Variants in PLCH1 observed in about 807,000 individuals in gnomAD.
PLCH1 encodes phospholipase C eta 1.
Under a neutral mutation model 126.7 loss-of-function variants are expected in PLCH1, and 60 were observed. The ratio of observed to expected loss-of-function variants is 0.47; its 90% CI spans 0.38 to 0.59. The LOEUF is 0.59. Among genes scored for constraint, PLCH1 ranks in the 20% least tolerant of loss-of-function variants. The pLI is 0.00. For missense variants in PLCH1, 1,723 were observed against 2,040.0 expected, an observed-to-expected ratio of 0.84 and a Z score of 2.99; for synonymous variants, 719 against 734.9, an observed-to-expected ratio of 0.98 and a Z score of 0.35.
At chr3:155,475,856 T>C (rs940492525), downstream of PLCH1, among the ~76,000 whole-genome samples, 3 of 152,136 alleles carry the variant, frequency 2.0e-5, no homozygotes, top group African/African-American at 4.8e-5. Context: ...TGCAAACTGA[T>C]GGCTTCACTG....
At chr3:155,711,864 A>G (rs1200893479) in intron 1 of PLCH1, among the ~76,000 whole-genome samples, 1 of 152,224 alleles carries the variant, frequency 6.6e-6, no homozygotes, top group African/African-American at 2.4e-5. Flanking sequence ...TGCAAGGTCT[A>G]AGCTTCAAGA....
At chr3:155,636,303 GT>G (rs1738710358) in intron 2 of PLCH1, among the ~76,000 whole-genome samples, 1 of 152,118 alleles carries the variant, frequency 6.6e-6, no homozygotes. Context: ...TGTAGTCAAT[GT>G]TTTGTTGTTG....
intron 8 of PLCH1, among the ~76,000 whole-genome samples, chr3:155,560,552 T>C (rs141229762): frequency 1.2e-3 from 179 of 152,346 alleles, no homozygotes; most frequent in African/African-American, 3.9e-3. Context: ...CTAATGTTTC[T>C]GTATGCAGGT....
intron 21 of PLCH1, among the ~76,000 whole-genome samples, chr3:155,472,680 TA>T (rs1373959724): frequency 1.3e-4 from 20 of 151,414 alleles, no homozygotes; most frequent in African/African-American, 4.6e-4. Context: ...AAATCCTCAA[TA>T]AAATACTGGC....
intron 2 of PLCH1, among the ~76,000 whole-genome samples, chr3:155,601,803 A>C (rs1197311352): frequency 1.3e-5 from 2 of 152,138 alleles, no homozygotes; most frequent in Non-Finnish European, 2.9e-5. Context: ...GTGACAGTCT[A>C]ATCACACAAC....
chr3:155,543,701 T>C lies in PLCH1; in HGVS notation c.1362+6086A>G, dbSNP rs1468952848. ...TAACAGCGGATCTCTCGGCAGAAAC[T>C]CTACAAGCCAGAAGAGAGTGGGGGC... is the stretch of plus-strand genomic sequence containing the variant. On this transcript the variant is annotated intron_variant, in intron 10 of 22. Coordinates refer to ENST00000460012, the MANE Select transcript of PLCH1 (RefSeq NM_014996.4). Among the ~76,000 whole-genome samples the C allele has an allele frequency of 6.5e-4, 98 of 151,668 alleles. 3 individuals are homozygous for C. The highest frequency in any genetic ancestry group is 1.0e-3 in the South Asian group (5 of 4,790).
At chr3:155,460,313 G>A (rs989652103) in intron 21 of PLCH1, among the ~76,000 whole-genome samples, 23 of 152,126 alleles carry the variant, frequency 1.5e-4, no homozygotes, top group Non-Finnish European at 3.2e-4. Context: ...CAGACAAAAA[G>A]TCTAGGTATT....
At chr3:155,724,981 A>G (rs1266127476) in intron 1 of PLCH1, among the ~76,000 whole-genome samples, 1 of 151,912 alleles carries the variant, frequency 6.6e-6, no homozygotes, top group Non-Finnish European at 1.5e-5. Flanking sequence ...GTAGTTGTGA[A>G]TTTTCTCAGC....
intron 1 of PLCH1, among the ~76,000 whole-genome samples, chr3:155,741,684 C>CTTTTATTTTTTTTTTATTTTTTTTT: frequency 1.8e-4 from 19 of 102,856 alleles, no homozygotes; most frequent in Non-Finnish European, 2.6e-4. Context: ...TTTATATCCT[C>CTTTTATTTTTTTTTTATTTTTTTTT]TTTTTTTTTT....
At chr3:155,496,724 C>T (rs1429441109) in intron 15 of PLCH1, among the ~76,000 whole-genome samples, 1 of 151,978 alleles carries the variant, frequency 6.6e-6, no homozygotes, top group African/African-American at 2.4e-5. Flanking sequence ...ATAAAGGAGA[C>T]AAGAGTAACT....
Position 155,482,682 on chromosome 3 carries a change from A to T in PLCH1, c.3344T>A (p.Leu1115Ter), listed in dbSNP as rs1451070628. ...PEDFVEGKSI[L>*]SGSVLSHSNL... The stretch of plus-strand genomic sequence containing the variant: ...GCTATGAGAAAGGACGCTTCCTGAC[A>T]AGATGCTTTTCCCTTCCACAAAGTC... The change falls in exon 23 of 23, where the codon TTG becomes TAG. Residue 1115 changes from leucine (L) to a stop codon, truncating the protein, a stop_gained. Coordinates refer to ENST00000460012, the MANE Select transcript of PLCH1 (RefSeq NM_014996.4). LOFTEE classifies it low-confidence loss of function (END_TRUNC). The T allele has an allele frequency of 6.2e-7, 1 of 1,614,084 alleles. No individual in the cohort carries two copies. Among genetic ancestry groups the T allele is most frequent in the Non-Finnish European group, 8.5e-7 (1 of 1,180,040 alleles).
Position 155,494,391 on chromosome 3 carries a change from A to G in PLCH1, c.2021T>C (p.Ile674Thr), listed in dbSNP as rs1244794375. 2 of 1,614,156 alleles carry G rather than the reference A, an allele frequency of 1.2e-6. No homozygotes were observed. Among genetic ancestry groups the G allele is most frequent in the Non-Finnish European group, 1.7e-6 (2 of 1,180,014 alleles). The change falls in exon 16 of 23, where the codon ATT becomes ACT. Residue 674 changes from isoleucine (I) to threonine (T), a missense_variant. Ile to Thr is a moderately conservative substitution (Grantham distance 89). This residue lies in a region of PLCH1 where 776 missense variants were observed against 1,062.9 expected (regional missense o/e 0.73). Transcript: ENST00000460012. ...GAGAGGGTTGAAGTTACTGGAATCA[A>G]TGCGGTAGGCAGAGGGGTAAATCCT... ...LTRIYPSAYRIDSSNFNPLPY... is the reference protein window; with the variant it reads ...LTRIYPSAYRTDSSNFNPLPY...
In PLCH1 at chr3:155,485,570, G is replaced by T. The variant is rs755619427; in HGVS notation, c.2760C>A (p.Gly920=). 6.8e-6 allele frequency: 11 copies of T among 1,614,120 alleles called. No homozygotes were observed. The highest frequency in any genetic ancestry group is 8.5e-6 in the Non-Finnish European group (10 of 1,180,018). Residue 920 remains glycine (G), a synonymous_variant, in exon 22 of 23, where the codon GGC becomes GGA. Coordinates refer to ENST00000460012, the MANE Select transcript of PLCH1 (RefSeq NM_014996.4). ...LRRTASAPAK[G]RKKSKMGFQE... ...GGAAGCCCATTTTGCTCTTTTTCCT[G>T]CCTTTGGCTGGGGCGCTAGCTGTGC...
intron 9 of PLCH1, among the ~76,000 whole-genome samples, chr3:155,550,392 T>C (rs1357527620): frequency 6.6e-6 from 1 of 152,172 alleles, no homozygotes. Flanking sequence ...CTCTAAAATA[T>C]ATAATTAACC....
intron 1 of PLCH1, among the ~76,000 whole-genome samples, chr3:155,733,754 C>A (rs966281525): frequency 6.6e-6 from 1 of 151,438 alleles, no homozygotes; most frequent in African/African-American, 2.4e-5. Context: ...AATAAAGAGA[C>A]GACCTGTGGA....
intron 1 of PLCH1, among the ~76,000 whole-genome samples, chr3:155,724,014 G>A (rs1748139122): frequency 6.6e-6 from 1 of 151,422 alleles, no homozygotes; most frequent in African/African-American, 2.4e-5. Context: ...CAACCATTCA[G>A]GTGCAGGTTA....
intron 2 of PLCH1, among the ~76,000 whole-genome samples, chr3:155,619,299 GTACAGGAGTAGTGTAC>G: frequency 1.3e-5 from 1 of 76,494 alleles, no homozygotes; most frequent in Non-Finnish European, 2.4e-5. Flanking sequence ...GCAGTGTACA[GTACAGGAGTAGTGTAC>G]AGGGCAGTGT....
intron 1 of PLCH1, among the ~76,000 whole-genome samples, chr3:155,736,556 G>A (rs1214888198): frequency 2.0e-5 from 3 of 152,226 alleles, no homozygotes; most frequent in African/African-American, 7.2e-5. Flanking sequence ...CAGCTGCTCA[G>A]TAGTCAGACG....
In PLCH1 at chr3:155,725,975, T is replaced by A. The variant is rs1015748710; in HGVS notation, c.-41+18865A>T. 3.9e-5 allele frequency among the ~76,000 whole-genome samples: 6 copies of A among 152,322 alleles called. No homozygotes were observed. In the South Asian group the frequency reaches 1.2e-3, roughly 32 times the overall value. ...AGGAAGTTATCCATTATTTTCCTAA[T>A]TTTTAGTAGTTGCCCTAGACATTTT... On this transcript the variant is annotated intron_variant, in intron 1 of 22. Transcript: ENST00000460012.
Sources: allele counts gnomAD v4.1 joint callset (sites outside exome capture counted in the v4.1 genomes callset), GRCh38; gene constraint gnomAD v4.1.1; regional missense constraint gnomAD v4.1.1; transcripts MANE v1.5; gene names NCBI Gene and HGNC (gene_info 2026-07-23, HGNC 2026-07-21).